Variants in STRIP2 observed in about 807,000 individuals in gnomAD.
STRIP2 encodes striatin-interacting protein 2.
Under a neutral mutation model 107.1 loss-of-function variants are expected in STRIP2, and 84 were observed. The observed-to-expected ratio is 0.78, with a 90% CI of 0.66 to 0.94. The LOEUF is 0.94. Ranked by LOEUF, STRIP2 falls within the 40% of genes least tolerant of loss-of-function variation. The pLI, the probability that STRIP2 is intolerant of heterozygous loss-of-function variation, is 0.00. For synonymous variants in STRIP2, 394 were observed against 400.4 expected, an observed-to-expected ratio of 0.98 and a Z score of 0.19; for missense variants, 888 against 1,034.2, an observed-to-expected ratio of 0.86 and a Z score of 1.94.
chr7:129,475,682 T>A (rs1341901387), intron 18 of STRIP2, among the ~76,000 whole-genome samples: 1 of 151,546 alleles, frequency 6.6e-6, no homozygotes, highest in Non-Finnish European at 1.5e-5. Context: ...AACAAAGGTC[T>A]CTGGTTTTCC....
intron 18 of STRIP2, among the ~76,000 whole-genome samples, chr7:129,475,540 A>G (rs1296573947): frequency 1.2e-5 from 1 of 84,832 alleles, no homozygotes. Context: ...AGTGGTGATG[A>G]CTCTTTTTTT....
At chr7:129,455,965 T>C (rs906886766) in intron 8 of STRIP2, among the ~76,000 whole-genome samples, 1 of 152,120 alleles carries the variant, frequency 6.6e-6, no homozygotes, top group Admixed American at 6.5e-5. Flanking sequence ...AATGAAGTTC[T>C]TATAAATATG....
At chr7:129,472,852 T>A (rs1471466944) in intron 18 of STRIP2, among the ~76,000 whole-genome samples, 1 of 140,242 alleles carries the variant, frequency 7.1e-6, no homozygotes, top group African/African-American at 2.6e-5. Context: ...AGTGGTGTGA[T>A]CTCAGCTCAC....
At chr7:129,441,894 GT>G (rs1353676766) in intron 2 of STRIP2, among the ~76,000 whole-genome samples, 8 of 152,204 alleles carry the variant, frequency 5.3e-5, no homozygotes, top group African/African-American at 1.9e-4. Flanking sequence ...GGGACTACAG[GT>G]GTGAGCCACC....
chr7:129,442,650 G>A (rs1319493879), intron 2 of STRIP2, among the ~76,000 whole-genome samples: 2 of 152,114 alleles, frequency 1.3e-5, no homozygotes, highest in African/African-American at 4.8e-5. Context: ...TTGGTTTTTG[G>A]TGCTTTAATC....
Position 129,485,912 on chromosome 7 carries a change from G to C in STRIP2, c.*83G>C. 6.6e-7 allele frequency: 1 copy of C among 1,506,882 alleles called. No individual in the cohort carries two copies. Among genetic ancestry groups the C allele is most frequent in the Non-Finnish European group, 9.1e-7 (1 of 1,104,168 alleles). 93.3% of individuals were successfully genotyped at this position (1,506,882 alleles called of 1,614,324 possible). A position where few individuals can be genotyped will look rare whatever the true frequency, so the allele number is the denominator to read the frequency against. ...TGCCTACCCTGTCCATACAGGCGCTGTTACCAGTTCAGGGCTCTTCTGGGG... is the reference window on the plus strand; with the variant it reads ...TGCCTACCCTGTCCATACAGGCGCTCTTACCAGTTCAGGGCTCTTCTGGGG... On this transcript the variant is annotated 3_prime_UTR_variant, in exon 21 of 21. Coordinates refer to ENST00000249344, the MANE Select transcript of STRIP2 (RefSeq NM_020704.3).
intron 1 of STRIP2, among the ~76,000 whole-genome samples, chr7:129,437,757 G>A (rs184972471): frequency 1.7e-4 from 26 of 148,868 alleles, no homozygotes; most frequent in Middle Eastern, 3.6e-3. Context: ...TAATCCAAAA[G>A]TTTGGAAATC....
intron 8 of STRIP2, among the ~76,000 whole-genome samples, chr7:129,455,869 A>G (rs1798333466): frequency 6.6e-6 from 1 of 152,164 alleles, no homozygotes; most frequent in Non-Finnish European, 1.5e-5. Context: ...CCTGGTCTCA[A>G]GCAATCCTTT....
At position 129,450,653 on chromosome 7, in the gene STRIP2, T is replaced by C. The variant is rs975754509; in HGVS notation, c.275-960T>C. Among the ~76,000 whole-genome samples the C allele has an allele frequency of 2.6e-5, 4 of 152,194 alleles. No homozygotes were observed. In the South Asian group the frequency reaches 6.2e-4, roughly 24 times the overall value. Reference sequence around the variant, plus strand: ...TTAGAGTTTGAGAGCAGGGGAATCATGTGCACATCACAAAACTAGCTGAGG... The same window carrying C: ...TTAGAGTTTGAGAGCAGGGGAATCACGTGCACATCACAAAACTAGCTGAGG... On this transcript the variant is annotated intron_variant, in intron 3 of 20. Transcript: ENST00000249344.
chr7:129,460,169 G>A, intron 12 of STRIP2, 132 bp from the exon 13 acceptor site: 1 of 675,442 alleles, frequency 1.5e-6, no homozygotes, highest in South Asian at 2.2e-5. Flanking sequence ...TTCCTTGAAA[G>A]AGTTCATGTC....
chr7:129,466,940 C>G (rs574068829), intron 16 of STRIP2, among the ~76,000 whole-genome samples: 1 of 152,296 alleles, frequency 6.6e-6, no homozygotes, highest in Non-Finnish European at 1.5e-5. Flanking sequence ...CTGAGTGATG[C>G]CAGCAGTTGC....
Position 129,444,062 on chromosome 7 carries a change from A to G in STRIP2, c.238A>G (p.Asn80Asp). The G allele has an allele frequency of 1.2e-6, 2 of 1,613,848 alleles. No individual in the cohort carries two copies. The highest frequency in any genetic ancestry group is 1.7e-6 in the Non-Finnish European group (2 of 1,179,802). Reference protein sequence around the residue: ...SYTENLEFTNNRRCFEEDFKT... With the variant: ...SYTENLEFTNDRRCFEEDFKT... ...CACTGAGAACCTGGAATTCACCAATAACAGGAGGTGCTTTGAAGAAGATTT... is the reference window on the plus strand; with the variant it reads ...CACTGAGAACCTGGAATTCACCAATGACAGGAGGTGCTTTGAAGAAGATTT... The change falls in exon 3 of 21, where the codon AAC becomes GAC. Residue 80 changes from asparagine to aspartate, a missense_variant. Physicochemically the swap from Asn to Asp is conservative, Grantham distance 23 (BLOSUM62 1). Coordinates refer to ENST00000249344, the MANE Select transcript of STRIP2 (RefSeq NM_020704.3).
intron 3 of STRIP2, among the ~76,000 whole-genome samples, chr7:129,447,296 C>T (rs1264817716): frequency 1.3e-5 from 2 of 152,206 alleles, no homozygotes; most frequent in Non-Finnish European, 2.9e-5. Context: ...ACCCACTAGG[C>T]ATTGTGCTTC....
chr7:129,485,233 A>C (rs1262754815), intron 20 of STRIP2, among the ~76,000 whole-genome samples: 1 of 152,166 alleles, frequency 6.6e-6, no homozygotes, highest in Non-Finnish European at 1.5e-5. Flanking sequence ...TAATACATAA[A>C]GCTAATAAGA....
In STRIP2 at chr7:129,485,689, C is replaced by T. The variant is rs1346424013; in HGVS notation, c.2365C>T (p.Pro789Ser). 7 of 1,614,112 alleles carry T rather than the reference C, an allele frequency of 4.3e-6. No individual in the cohort carries two copies. Among genetic ancestry groups the T allele is most frequent in the South Asian group, 2.2e-5 (2 of 91,080 alleles). The change falls in exon 21 of 21, where the codon CCT becomes TCT. Residue 789 changes from proline to serine, a missense_variant. Coordinates refer to ENST00000249344, the MANE Select transcript of STRIP2 (RefSeq NM_020704.3). Reference sequence around the variant, plus strand: ...CAGACCCCAGGACTCTGAGTTTTCACCTGTGGATAACTGCTTGCAGAGCGT... The same window carrying T: ...CAGACCCCAGGACTCTGAGTTTTCATCTGTGGATAACTGCTTGCAGAGCGT... ...YDRPQDSEFSPVDNCLQSVLG... is the reference protein window; with the variant it reads ...YDRPQDSEFSSVDNCLQSVLG...
intron 1 of STRIP2, among the ~76,000 whole-genome samples, chr7:129,436,458 C>T (rs1206376404): frequency 6.6e-6 from 1 of 152,178 alleles, no homozygotes; most frequent in African/African-American, 2.4e-5. Flanking sequence ...CCACCTGCAC[C>T]GCGGTTTACC....
chr7:129,459,726 G>GA (rs1798475420), intron 12 of STRIP2, 146 bp downstream of exon 12: 1 of 590,060 alleles, frequency 1.7e-6, no homozygotes, highest in African/African-American at 1.9e-5. Flanking sequence ...GGCCAAATAG[G>GA]AAAAATTAGG....
chr7:129,478,795 A>G (rs1222083133), intron 18 of STRIP2, among the ~76,000 whole-genome samples: 2 of 152,152 alleles, frequency 1.3e-5, no homozygotes, highest in Non-Finnish European at 2.9e-5. Flanking sequence ...TAATCCAAGT[A>G]TTCTGGTATC....
chr7:129,470,518 C>T (rs900558740), intron 17 of STRIP2, 131 bp from the exon 18 acceptor site: 5 of 691,394 alleles, frequency 7.2e-6, no homozygotes, highest in Admixed American at 6.3e-5. Flanking sequence ...CTCATTTCAG[C>T]TGAGGTCACT....
Sources: allele counts gnomAD v4.1 joint callset (sites outside exome capture counted in the v4.1 genomes callset), GRCh38; gene constraint gnomAD v4.1.1; transcripts MANE v1.5; gene names NCBI Gene and HGNC (gene_info 2026-07-23, HGNC 2026-07-21).